Variants in PDIA3 observed in about 807,000 individuals in gnomAD.
PDIA3 encodes the protein protein disulfide-isomerase A3.
Under a neutral mutation model 56.9 loss-of-function variants are expected in PDIA3, and 16 were observed. That is an observed-to-expected ratio of 0.28 (90% CI 0.19 to 0.43). The LOEUF (loss-of-function observed/expected upper bound fraction) is 0.43, where lower values mean the gene tolerates loss of function less well. Ranked by LOEUF, PDIA3 falls within the 20% of genes least tolerant of loss-of-function variation. The pLI is 1.00. For missense variants in PDIA3, 485 were observed against 621.3 expected (o/e 0.78, Z 2.33); for synonymous variants, 192 against 216.5 (o/e 0.89, Z 0.99).
intron 1 of PDIA3, among the ~76,000 whole-genome samples, chr15:43,749,293 A>T (rs571337442): frequency 6.6e-6 from 1 of 151,352 alleles, no homozygotes; most frequent in Non-Finnish European, 1.5e-5. Context: ...GGGTTTCACC[A>T]TGTTAGCCTG....
chr15:43,762,725 G>T (rs909886880), intron 4 of PDIA3, among the ~76,000 whole-genome samples: 1 of 152,100 alleles, frequency 6.6e-6, no homozygotes, highest in Non-Finnish European at 1.5e-5. Context: ...GGGTGAAGTG[G>T]TTTACAGTTT....
Position 43,769,589 on chromosome 15 carries a change from C to T in PDIA3, c.1209C>T (p.Ala403=), listed in dbSNP as rs1374857598. The T allele has an allele frequency of 1.9e-6, 3 of 1,612,828 alleles. No homozygotes were observed. ...AAGATGTGCTGATTGAATTTTATGC[C>T]CCTTGGTGTGGTCACTGTAAGAACC... is the stretch of plus-strand genomic sequence containing the variant. ...ENKDVLIEFY[A]PWCGHCKNLE... Residue 403 remains alanine, a synonymous_variant, in exon 10 of 13, where the codon GCC becomes GCT. Coordinates refer to ENST00000300289, the MANE Select transcript of PDIA3 (RefSeq NM_005313.5).
chr15:43,760,525 A>AT (rs1325664270), intron 3 of PDIA3, among the ~76,000 whole-genome samples: 1 of 142,572 alleles, frequency 7.0e-6, no homozygotes, highest in East Asian at 2.1e-4. Context: ...CTGTTAAAAA[A>AT]AAAACTTTTT....
chr15:43,748,119 G>T (rs533028986), intron 1 of PDIA3, among the ~76,000 whole-genome samples: 1 of 152,140 alleles, frequency 6.6e-6, no homozygotes, highest in African/African-American at 2.4e-5. Context: ...TACTACAGGG[G>T]TCATGCAACA....
In PDIA3 at chr15:43,770,518, C is replaced by G; in HGVS notation, c.1347-5C>G. 6.2e-7 allele frequency: 1 copy of G among 1,607,372 alleles called. No individual in the cohort carries two copies. ...CTTGAAATTAATAAATGTTTCTTTC[C>G]CCAGTTTTCCTACCATATACTTCTC... On this transcript the variant is annotated splice_region_variant and splice_polypyrimidine_tract_variant and intron_variant, in intron 11 of 12. Coordinates refer to ENST00000300289, the MANE Select transcript of PDIA3 (RefSeq NM_005313.5).
chr15:43,748,514 G>A (rs2086721973), intron 1 of PDIA3, among the ~76,000 whole-genome samples: 1 of 152,028 alleles, frequency 6.6e-6, no homozygotes, highest in African/African-American at 2.4e-5. Context: ...TTGAATTGAA[G>A]GGGGTGTTTC....
rs758850094 is a variant in PDIA3, at chr15:43,770,350, CAA to C, written c.1346+24_1346+25del. On this transcript the variant is annotated intron_variant, in intron 11 of 12. Transcript: ENST00000300289. Reference sequence around the variant, plus strand: ...AGAGGGTAAGTGGCTTAAAACTTAACAAAAGTGTCTAGGCAATAGATAGGAAT... The same window carrying C: ...AGAGGGTAAGTGGCTTAAAACTTAACAAGTGTCTAGGCAATAGATAGGAAT... The C allele has an allele frequency of 4.4e-6, 7 of 1,589,092 alleles. No homozygotes were observed. The South Asian group carries it at 7.7e-5, about 18-fold the overall frequency.
chr15:43,767,721 G>C (rs2086856420), intron 8 of PDIA3, among the ~76,000 whole-genome samples: 1 of 138,210 alleles, frequency 7.2e-6, no homozygotes, highest in Non-Finnish European at 1.5e-5. Flanking sequence ...AGTGAGCTGA[G>C]ATCATGCCAC....
chr15:43,765,322 A>G, intron 5 of PDIA3, 128 bp from the exon 6 acceptor site: 1 of 688,124 alleles, frequency 1.5e-6, no homozygotes, highest in Non-Finnish European at 2.6e-6. Context: ...TCAAGGCTAC[A>G]GTGAGCTATA....
chr15:43,752,788 CTGT>C (rs1567155371), intron 1 of PDIA3: 1 of 470,842 alleles, frequency 2.1e-6, no homozygotes, highest in African/African-American at 2.0e-5. Flanking sequence ...TCTATTTTTG[CTGT>C]CTACGGGAAG....
chr15:43,746,616 A>C lies in PDIA3; in HGVS notation c.77A>C (p.Asp26Ala). 1.2e-6 allele frequency: 2 copies of C among 1,612,624 alleles called. No homozygotes were observed. The highest frequency in any genetic ancestry group is 1.7e-6 in the Non-Finnish European group (2 of 1,179,820). ...GCGGCCCGCCTCGCCGCTGCCTCCGACGTGCTAGAACTCACGGACGACAAC... is the reference window on the plus strand; with the variant it reads ...GCGGCCCGCCTCGCCGCTGCCTCCGCCGTGCTAGAACTCACGGACGACAAC... ...LAAARLAAAS[D>A]VLELTDDNFE... Residue 26 changes from aspartate to alanine, a missense_variant, in exon 1 of 13, where the codon GAC becomes GCC. Physicochemically the swap from Asp to Ala is moderately radical, Grantham distance 126. Coordinates refer to ENST00000300289, the MANE Select transcript of PDIA3 (RefSeq NM_005313.5).
At chr15:43,762,467 C>T (rs2086822643) in intron 4 of PDIA3, among the ~76,000 whole-genome samples, 1 of 149,570 alleles carries the variant, frequency 6.7e-6, no homozygotes, top group Non-Finnish European at 1.5e-5. Context: ...GCTAAGATCG[C>T]GCCATTGTAC....
rs189506936 is a variant in PDIA3 at position 43,771,922 on chromosome 15, C to G, written c.*704C>G. 12 of 288,856 alleles carry G rather than the reference C, an allele frequency of 4.2e-5. No individual in the cohort carries two copies. The highest frequency in any genetic ancestry group is 1.0e-4 in the Admixed American group (2 of 19,346). The allele number at this position is 288,856 out of a possible 1,614,324, so 17.9% of individuals were successfully genotyped here. ...GATGGGTTCCTGTTTATCCTTGCCA[C>G]GCAGCTGAGCTTACTGCATGTTTAT... On this transcript the variant is annotated 3_prime_UTR_variant, in exon 13 of 13. Transcript: ENST00000300289.
At chr15:43,746,749 G>T (rs1186698984) in intron 1 of PDIA3, 43 bp downstream of exon 1, 2 of 1,605,592 alleles carry the variant, frequency 1.2e-6, no homozygotes, top group East Asian at 2.2e-5. Flanking sequence ...GGCGGGGCTG[G>T]GCCGGGGGCG....
At chr15:43,761,757 G>A (rs1279734721) in intron 4 of PDIA3, among the ~76,000 whole-genome samples, 1 of 151,998 alleles carries the variant, frequency 6.6e-6, no homozygotes, top group Non-Finnish European at 1.5e-5. Context: ...TTTTATTTGA[G>A]TGGGTTTGTG....
At chr15:43,769,386 T>C (rs41277696) in intron 9 of PDIA3, 132 bp from the exon 10 acceptor site, 13,367 of 750,292 alleles carry the variant, frequency 0.018, 169 homozygotes, top group Non-Finnish European at 0.024. Context: ...AATCTGTAAA[T>C]GTGATTTGGG....
chr15:43,756,673 A>G lies in PDIA3; in HGVS notation c.271A>G (p.Thr91Ala), dbSNP rs2086780281. 2 of 1,603,398 alleles carry G rather than the reference A, an allele frequency of 1.2e-6. No individual in the cohort carries two copies. The highest frequency in any genetic ancestry group is 1.7e-6 in the Non-Finnish European group (2 of 1,172,000). ...AKVDCTANTN[T>A]CNKYGVSGYP... is the part of the protein sequence containing the mutation. ...GGTTGATTGCACTGCCAACACTAAC[A>G]CCTGTAATAAATATGGAGTCAGTGG... Residue 91 changes from threonine (T) to alanine (A), a missense_variant, in exon 3 of 13, where the codon ACC (threonine) becomes GCC (alanine). By Grantham distance (58) the Thr-to-Ala change is moderately conservative. Transcript: ENST00000300289.
intron 8 of PDIA3, 152 bp downstream of exon 8, chr15:43,767,062 A>G (rs1185295289): frequency 9.4e-6 from 7 of 745,286 alleles, no homozygotes; most frequent in African/African-American, 1.8e-5. Context: ...AAATATAGGT[A>G]CTTTAGACCA....
At chr15:43,759,426 C>T (rs554465114) in intron 3 of PDIA3, among the ~76,000 whole-genome samples, 1 of 152,132 alleles carries the variant, frequency 6.6e-6, no homozygotes, top group South Asian at 2.1e-4. Flanking sequence ...GTGAAACAAC[C>T]TATAACAAAA....
Sources: gnomAD v4.1 joint callset for allele counts (sites outside exome capture counted in the v4.1 genomes callset) on GRCh38, gnomAD v4.1.1 for gene constraint, MANE v1.5 for transcripts, NCBI Gene and HGNC (gene_info 2026-07-23, HGNC 2026-07-21) for gene names.